FRMD4A: variants seen among roughly 807,000 people sequenced by gnomAD.
The protein encoded by FRMD4A is FERM domain-containing protein 4A.
A neutral mutation model predicts 129.1 loss-of-function variants in FRMD4A; 29 were observed. The observed-to-expected ratio is 0.22, with a 90% confidence interval of 0.17 to 0.31. FRMD4A has a LOEUF of 0.31. FRMD4A is among the 10% of genes least tolerant of loss of function. The pLI is 1.00. For missense variants in FRMD4A, 1,272 were observed against 1,375.8 expected (o/e 0.92, Z 1.19); for synonymous variants, 634 against 571.6 (o/e 1.11, Z -1.56).
chr10:13,654,945 C>G (rs1289320468), intron 22 of FRMD4A: 1 of 174,034 alleles, frequency 5.7e-6, no homozygotes, highest in Non-Finnish European at 1.2e-5. Flanking sequence ...TCAGTGTGGC[C>G]CTGTTATGAA....
At chr10:14,096,488 C>G (rs1210124833) in intron 2 of FRMD4A, among the ~76,000 whole-genome samples, 7 of 152,220 alleles carry the variant, frequency 4.6e-5, no homozygotes, top group Non-Finnish European at 1.5e-5. Flanking sequence ...ATGTAGGGAG[C>G]TCAGATGTGA....
intron 2 of FRMD4A, among the ~76,000 whole-genome samples, chr10:13,998,677 T>A (rs564470163): frequency 1.3e-5 from 2 of 152,134 alleles, no homozygotes; most frequent in South Asian, 4.2e-4. Flanking sequence ...TCTTCCTTTC[T>A]CCCTCCACAC....
intron 3 of FRMD4A, among the ~76,000 whole-genome samples, chr10:13,834,060 A>T (rs58575955): frequency 0.51 from 76,943 of 151,866 alleles, 19,561 homozygotes; most frequent in East Asian, 0.62. Context: ...GATCAGGAGT[A>T]CAAAACCAGC....
chr10:13,664,337 G>A (rs924898478), intron 18 of FRMD4A, among the ~76,000 whole-genome samples: 4 of 152,154 alleles, frequency 2.6e-5, no homozygotes, highest in Non-Finnish European at 5.9e-5. Flanking sequence ...GCCTTGGAGG[G>A]GGCAGAGGGT....
intron 2 of FRMD4A, among the ~76,000 whole-genome samples, chr10:14,203,423 T>C (rs1480662796): frequency 6.6e-6 from 1 of 152,152 alleles, no homozygotes; most frequent in Non-Finnish European, 1.5e-5. Context: ...ACAGGGCACA[T>C]CCAATGAACA....
chr10:14,262,363 T>C (rs1367321559), intron 2 of FRMD4A, among the ~76,000 whole-genome samples: 3 of 152,194 alleles, frequency 2.0e-5, no homozygotes, highest in African/African-American at 7.2e-5. Flanking sequence ...GCCAACTTCA[T>C]GAGGTTATTG....
chr10:14,106,432 A>G lies in FRMD4A; in HGVS notation c.45+223626T>C, dbSNP rs76027140. ...CACTGGTGAGTGAGGAATACTAATTACTACTGGATTGGTTGTTTCTAGGAC... is the reference window on the plus strand; with the variant it reads ...CACTGGTGAGTGAGGAATACTAATTGCTACTGGATTGGTTGTTTCTAGGAC... On this transcript the variant is annotated intron_variant, in intron 2 of 24. Transcript: ENST00000357447. 7.4e-4 allele frequency among the ~76,000 whole-genome samples: 113 copies of G among 152,366 alleles called. No homozygotes were observed. In the East Asian group the frequency reaches 0.017, roughly 23 times the overall value.
chr10:14,010,779 G>A (rs954733007), intron 2 of FRMD4A, among the ~76,000 whole-genome samples: 5 of 148,588 alleles, frequency 3.4e-5, no homozygotes, highest in African/African-American at 1.2e-4. Context: ...CAAAGTGCTA[G>A]GATTACAGGC....
intron 13 of FRMD4A, among the ~76,000 whole-genome samples, chr10:13,705,934 C>G (rs546194879): frequency 1.3e-5 from 2 of 152,202 alleles, no homozygotes; most frequent in South Asian, 4.1e-4. Context: ...GCAAGCACGG[C>G]TTCATTCCTA....
chr10:13,748,216 C>A (rs557492197), intron 8 of FRMD4A, among the ~76,000 whole-genome samples: 29 of 152,300 alleles, frequency 1.9e-4, no homozygotes, highest in Admixed American at 3.3e-4. Context: ...CGCCGTTAGG[C>A]TCACAGAGCT....
intron 4 of FRMD4A, among the ~76,000 whole-genome samples, chr10:13,802,927 T>G (rs2093285182): frequency 6.6e-6 from 1 of 152,150 alleles, no homozygotes; most frequent in African/African-American, 2.4e-5. Context: ...GTGCGCTGAT[T>G]ACCTGAAGCC....
Position 14,227,831 on chromosome 10 carries a change from T to G in FRMD4A, c.45+102227A>C, listed in dbSNP as rs945348530. ...AGCATTGCTAAGAATTTGTTGAAAATGATAACTTTGTGACTATTTTGCTTT... is the reference window on the plus strand; with the variant it reads ...AGCATTGCTAAGAATTTGTTGAAAAGGATAACTTTGTGACTATTTTGCTTT... On this transcript the variant is annotated intron_variant, in intron 2 of 24. Transcript: ENST00000357447. Among the ~76,000 whole-genome samples the G allele has an allele frequency of 3.9e-5, 6 of 152,122 alleles. No individual in the cohort carries two copies. In the East Asian group the frequency reaches 5.8e-4, roughly 15 times the overall value.
chr10:13,946,719 C>A (rs2095334619), intron 2 of FRMD4A, among the ~76,000 whole-genome samples: 1 of 152,142 alleles, frequency 6.6e-6, no homozygotes, highest in South Asian at 2.1e-4. Context: ...CATGGCCAGC[C>A]TATAAAGGTT....
chr10:13,646,799 A>G lies in FRMD4A; in HGVS notation c.*239T>C, dbSNP rs975600261. The G allele has an allele frequency of 6.5e-6, 1 of 154,010 alleles. No homozygotes were observed. The highest frequency in any genetic ancestry group is 2.4e-5 in the African/African-American group (1 of 41,474). The allele number at this position is 154,010 out of a possible 1,614,324, so 9.5% of individuals were successfully genotyped here. On this transcript the variant is annotated 3_prime_UTR_variant, in exon 25 of 25. Transcript: ENST00000357447. ...CAGTCAGGTTTTCAAGGGGGAGGGAATGCGGAGACAGGAGAAAAAAAGTGC... is the reference window on the plus strand; with the variant it reads ...CAGTCAGGTTTTCAAGGGGGAGGGAGTGCGGAGACAGGAGAAAAAAAGTGC...
rs531976977 is a variant in FRMD4A at position 13,834,853 on chromosome 10, C to T, written c.112-23945G>A. On this transcript the variant is annotated intron_variant, in intron 3 of 24. Coordinates refer to ENST00000357447, the MANE Select transcript of FRMD4A (RefSeq NM_018027.5). Reference sequence around the variant, plus strand: ...TAAGCTGACAGGGTTAACATTTCCCCTCTTGACTACACAAGACCTCATTCT... The same window carrying T: ...TAAGCTGACAGGGTTAACATTTCCCTTCTTGACTACACAAGACCTCATTCT... Among the ~76,000 whole-genome samples, 12 of 152,306 alleles carry T rather than the reference C, an allele frequency of 7.9e-5. No individual in the cohort carries two copies. The East Asian group carries it at 1.7e-3, about 22-fold the overall frequency.
intron 3 of FRMD4A, among the ~76,000 whole-genome samples, chr10:13,835,279 C>T (rs1348027873): frequency 2.0e-5 from 3 of 152,140 alleles, no homozygotes; most frequent in Non-Finnish European, 2.9e-5. Context: ...GTTTATCCTA[C>T]GGTTGTCCTC....
Position 13,663,529 on chromosome 10 carries a change from T to C in FRMD4A, c.1604-20A>G, listed in dbSNP as rs766667593. The C allele has an allele frequency of 9.7e-6, 13 of 1,342,750 alleles. No homozygotes were observed. The East Asian group carries it at 1.4e-4, about 14-fold the overall frequency. The allele number at this position is 1,342,750 out of a possible 1,614,324, so 83.2% of individuals were successfully genotyped here. A position where few individuals can be genotyped will look rare whatever the true frequency, so the allele number is the denominator to read the frequency against. On this transcript the variant is annotated intron_variant, in intron 18 of 24. Coordinates refer to ENST00000357447, the MANE Select transcript of FRMD4A (RefSeq NM_018027.5). ...TTCCATCTGAGAAGACAAAAAGCAA[T>C]AGCCTATGAGTTCAGCACATTCCTT...
At chr10:14,140,146 C>G (rs1325451211) in intron 2 of FRMD4A, among the ~76,000 whole-genome samples, 1 of 152,176 alleles carries the variant, frequency 6.6e-6, no homozygotes, top group Admixed American at 6.5e-5. Context: ...ACTGCAACCT[C>G]TCCCTCCCAG....
chr10:13,987,173 G>T (rs1233535814), intron 2 of FRMD4A, among the ~76,000 whole-genome samples: 1 of 152,092 alleles, frequency 6.6e-6, no homozygotes, highest in Non-Finnish European at 1.5e-5. Context: ...AATGTTTACA[G>T]CTTCATATTT....
Sources: allele counts gnomAD v4.1 joint callset (sites outside exome capture counted in the v4.1 genomes callset), GRCh38; gene constraint gnomAD v4.1.1; transcripts MANE v1.5; gene names NCBI Gene and HGNC (gene_info 2026-07-23, HGNC 2026-07-21).